The following VILL variants were observed in gnomAD, a reference collection of about 807,000 sequenced individuals.
VILL encodes the protein villin like.
Under a neutral mutation model 106.3 loss-of-function variants are expected in VILL, and 102 were observed. The observed-to-expected ratio is 0.96, with a 90% CI of 0.82 to 1.13. The LOEUF (loss-of-function observed/expected upper bound fraction) is 1.13, where lower values mean the gene tolerates loss of function less well. Ranked by LOEUF, VILL falls within the 50% of genes most tolerant of loss-of-function variation. VILL has a pLI of 0.00. For synonymous variants in VILL, 431 were observed against 440.3 expected, an observed-to-expected ratio of 0.98 and a Z score of 0.27; for missense variants, 1,076 against 1,116.6, an observed-to-expected ratio of 0.96 and a Z score of 0.52.
chr3:38,004,526 C>A, intron 16 of VILL, 127 bp downstream of exon 16: 1 of 1,275,628 alleles, frequency 7.8e-7, no homozygotes, highest in East Asian at 2.5e-5. Context: ...GACCCTGTCA[C>A]TGAGCAATTG....
At chr3:37,991,307 AG>A in intron 1 of VILL, 1 of 127,152 alleles carries the variant, frequency 7.9e-6, no homozygotes, top group Non-Finnish European at 1.6e-5. Flanking sequence ...GGGAGAGAAG[AG>A]GGGGTGTGTG....
upstream of VILL, among the ~76,000 whole-genome samples, chr3:37,988,963 C>T (rs1350209803): frequency 6.6e-6 from 1 of 151,972 alleles, no homozygotes; most frequent in African/African-American, 2.4e-5. Flanking sequence ...TATATTTTAC[C>T]ACAATTTTTT....
rs1397668272 is a variant in VILL at position 38,002,434 on chromosome 3, C to T, written c.1518C>T (p.Ser506=). The change falls in exon 14 of 20, where the codon TCC becomes TCT. Residue 506 remains serine, a synonymous_variant. Coordinates refer to ENST00000383759, the MANE Select transcript of VILL (RefSeq NM_015873.4). ...AGHHGKGQSA[S]TTRLFQVQGT... ...ACCATGGAAAGGGGCAGTCAGCATC[C>T]ACCACAAGGCTTTTCCAAGTGCAAG... 1 of 1,613,632 alleles carries T rather than the reference C, an allele frequency of 6.2e-7. No homozygotes were observed. The highest frequency in any genetic ancestry group is 8.5e-7 in the Non-Finnish European group (1 of 1,179,784).
chr3:37,996,986 A>G, intron 5 of VILL, 91 bp from the exon 6 acceptor site: 1 of 1,128,326 alleles, frequency 8.9e-7, no homozygotes, highest in East Asian at 2.4e-5. Context: ...GTTTGCATAC[A>G]GCTTCATGCA....
chr3:38,005,731 A>G, intron 16 of VILL, 61 bp from the exon 17 acceptor site: 1 of 1,528,764 alleles, frequency 6.5e-7, no homozygotes, highest in Non-Finnish European at 8.8e-7. Context: ...AGTGGACAGG[A>G]AGGGGTCAGC....
chr3:37,989,471 A>G (rs962068915), upstream of VILL, among the ~76,000 whole-genome samples: 1 of 152,168 alleles, frequency 6.6e-6, no homozygotes, highest in Non-Finnish European at 1.5e-5. Flanking sequence ...CCTGAAGGAG[A>G]CAGGTGGAGT....
intron 15 of VILL, 72 bp from the exon 16 acceptor site, chr3:38,004,183 G>A: frequency 6.5e-7 from 1 of 1,547,026 alleles, no homozygotes; most frequent in African/African-American, 1.4e-5. Context: ...CAGGCCCTGG[G>A]GTGGGGCACT....
upstream of VILL, chr3:37,988,285 T>G (rs1699572841): frequency 6.6e-6 from 1 of 152,228 alleles, no homozygotes; most frequent in Non-Finnish European, 1.5e-5. Context: ...GAACGGCCAT[T>G]GAGAGTTTCA....
At chr3:38,006,722 C>T (rs762139834) in intron 19 of VILL, 22 bp downstream of exon 19, 1 of 1,587,316 alleles carries the variant, frequency 6.3e-7, no homozygotes, top group East Asian at 2.2e-5. Flanking sequence ...CTCACTGCCC[C>T]AGCACTAGTG....
Position 38,005,830 on chromosome 3 carries a change from G to A in VILL, c.1989G>A (p.Lys663=). 5 of 1,613,598 alleles carry A rather than the reference G, an allele frequency of 3.1e-6. No homozygotes were observed. Among genetic ancestry groups the A allele is most frequent in the Non-Finnish European group, 4.2e-6 (5 of 1,179,752 alleles). Residue 663 remains lysine (K), a synonymous_variant, in exon 17 of 20, where the codon AAG becomes AAA. Coordinates refer to ENST00000383759, the MANE Select transcript of VILL (RefSeq NM_015873.4). ...LWLGEAASEW[K]EAVAWGQEYL... ...TTGGGGAAGCTGCAAGTGAGTGGAA[G>A]GAGGCGGTGGCCTGGGGCCAGGAGT...
chr3:38,002,073 G>C, intron 13 of VILL: 4 of 805,988 alleles, frequency 5.0e-6, no homozygotes, highest in Non-Finnish European at 7.7e-6. Context: ...AATTTGAGTT[G>C]AAAGGGAGCC....
At chr3:38,002,351 G>A (rs374370354) in intron 13 of VILL, 45 bp from the exon 14 acceptor site, 27 of 1,540,550 alleles carry the variant, frequency 1.8e-5, no homozygotes, top group East Asian at 4.5e-5. Context: ...ACAGGAAGGC[G>A]CCCCTGGGAG....
upstream of VILL, among the ~76,000 whole-genome samples, chr3:37,988,445 A>C (rs2125640609): frequency 6.6e-6 from 1 of 152,208 alleles, no homozygotes; most frequent in Admixed American, 6.5e-5. Flanking sequence ...GGCAATGGGG[A>C]GTCTATGTTT....
chr3:38,002,352 C>T, intron 13 of VILL, 44 bp from the exon 14 acceptor site: 1 of 1,544,912 alleles, frequency 6.5e-7, no homozygotes, highest in Non-Finnish European at 8.7e-7. Context: ...CAGGAAGGCG[C>T]CCCTGGGAGC....
At chr3:38,004,978 C>T (rs76439043) in intron 16 of VILL, among the ~76,000 whole-genome samples, 19,002 of 152,052 alleles carry the variant, frequency 0.12, 1,300 homozygotes, top group South Asian at 0.19. Context: ...TATAACTGGC[C>T]GGGTGTGCGT....
At chr3:37,989,386 G>A (rs1056763330), upstream of VILL, among the ~76,000 whole-genome samples, 5 of 152,230 alleles carry the variant, frequency 3.3e-5, no homozygotes, top group African/African-American at 1.2e-4. Context: ...GCAGCCTTCA[G>A]ACTGGAACTG....
At chr3:37,996,499 C>G (rs1316580496) in intron 5 of VILL, among the ~76,000 whole-genome samples, 1 of 152,200 alleles carries the variant, frequency 6.6e-6, no homozygotes, top group Non-Finnish European at 1.5e-5. Context: ...AATGAACATT[C>G]AGGTGTACAA....
chr3:37,996,315 C>A (rs1262381388), intron 5 of VILL, among the ~76,000 whole-genome samples: 2 of 152,196 alleles, frequency 1.3e-5, no homozygotes. Flanking sequence ...TCATTGTCAC[C>A]TATATGCACA....
In VILL at chr3:38,006,268, C is replaced by T. The variant is rs375208984; in HGVS notation, c.2205+16C>T. ...GATAACAGCAGTGAGTCCTGGGGCC[C>T]CTAGCCTTCCCCACAGTGGCCTGGG... On this transcript the variant is annotated intron_variant, in intron 18 of 19. Coordinates refer to ENST00000383759, the MANE Select transcript of VILL (RefSeq NM_015873.4). The T allele has an allele frequency of 1.1e-5, 18 of 1,613,970 alleles. No individual in the cohort carries two copies. In the African/African-American group the frequency reaches 2.1e-4, roughly 19 times the overall value.
Sources: gnomAD v4.1 joint callset for allele counts (sites outside exome capture counted in the v4.1 genomes callset) on GRCh38, gnomAD v4.1.1 for gene constraint, MANE v1.5 for transcripts, NCBI Gene and HGNC (gene_info 2026-07-23, HGNC 2026-07-21) for gene names.